The following PPARGC1A variants were observed in gnomAD, a reference collection of about 807,000 sequenced individuals.
PPARGC1A encodes the protein peroxisome proliferator-activated receptor gamma coactivator 1-alpha.
A neutral mutation model predicts 88.7 loss-of-function variants in PPARGC1A; 25 were observed. The ratio of observed to expected loss-of-function variants is 0.28; its 90% CI spans 0.21 to 0.39. The LOEUF (loss-of-function observed/expected upper bound fraction) is 0.39, where lower values mean the gene tolerates loss of function less well. Ranked by LOEUF, PPARGC1A falls within the 10% of genes least tolerant of loss-of-function variation. The pLI is 1.00. For synonymous variants in PPARGC1A, 363 were observed against 355.6 expected (o/e 1.02, Z -0.24); for missense variants, 880 against 968.7 (o/e 0.91, Z 1.22).
the PPARGC1A span, among the ~76,000 whole-genome samples, chr4:24,241,140 T>G: frequency 6.6e-6 from 1 of 152,334 alleles, no homozygotes; most frequent in South Asian, 2.1e-4. Context: ...GTAGCTTTAC[T>G]TTTCTAAAGT....
the PPARGC1A span, among the ~76,000 whole-genome samples, chr4:24,107,166 C>G: frequency 1.3e-5 from 2 of 152,178 alleles, no homozygotes; most frequent in Non-Finnish European, 2.9e-5. Context: ...AATAAAAGCA[C>G]ATTGCTATAT....
chr4:23,887,007 T>G (rs1409826866), intron 1 of PPARGC1A, among the ~76,000 whole-genome samples: 1 of 152,200 alleles, frequency 6.6e-6, no homozygotes, highest in Non-Finnish European at 1.5e-5. Flanking sequence ...GCATACTGAT[T>G]TGTGGACAAC....
At chr4:24,285,371 C>A in the PPARGC1A span, among the ~76,000 whole-genome samples, 1 of 152,114 alleles carries the variant, frequency 6.6e-6, no homozygotes, top group South Asian at 2.1e-4. Context: ...GTGAGATACA[C>A]AAGCACATGG....
chr4:24,226,827 C>G, the PPARGC1A span, among the ~76,000 whole-genome samples: 1 of 152,148 alleles, frequency 6.6e-6, no homozygotes, highest in Non-Finnish European at 1.5e-5. Flanking sequence ...GCTCTGAGGT[C>G]TATGATCGTG....
At chr4:23,868,565 C>G in intron 2 of PPARGC1A, among the ~76,000 whole-genome samples, 1 of 152,182 alleles carries the variant, frequency 6.6e-6, no homozygotes, top group East Asian at 1.9e-4. Flanking sequence ...TTCCCTCATG[C>G]AGTTTATAAT....
chr4:24,337,428 A>G, the PPARGC1A span, among the ~76,000 whole-genome samples: 90 of 152,304 alleles, frequency 5.9e-4, no homozygotes, highest in Non-Finnish European at 6.0e-4. Context: ...CCTAACTTAC[A>G]TGAACAATGG....
chr4:23,897,764 C>T (rs1271320591), intron 1 of PPARGC1A, among the ~76,000 whole-genome samples: 2 of 152,154 alleles, frequency 1.3e-5, no homozygotes, highest in East Asian at 3.8e-4. Flanking sequence ...TACTTTCAAC[C>T]ACAGGTATTG....
At chr4:24,256,085 T>C in the PPARGC1A span, among the ~76,000 whole-genome samples, 10 of 152,320 alleles carry the variant, frequency 6.6e-5, no homozygotes, top group South Asian at 1.9e-3. Context: ...TATTTCCATT[T>C]TACAGATGAA....
chr4:24,336,365 C>G, the PPARGC1A span, among the ~76,000 whole-genome samples: 1 of 152,130 alleles, frequency 6.6e-6, no homozygotes, highest in East Asian at 1.9e-4. Flanking sequence ...AAAAATTGCA[C>G]CCAGCATCTA....
chr4:24,421,491 T>C, the PPARGC1A span, among the ~76,000 whole-genome samples: 1 of 152,250 alleles, frequency 6.6e-6, no homozygotes, highest in East Asian at 1.9e-4. Flanking sequence ...TTTTGCATTT[T>C]TAGTAGAGAC....
chr4:24,122,417 A>ATG, the PPARGC1A span, among the ~76,000 whole-genome samples: 985 of 82,780 alleles, frequency 0.012, 16 homozygotes, highest in African/African-American at 0.034. Context: ...GTGTGTGTGC[A>ATG]TATATATATA....
At chr4:24,022,548 G>A in the PPARGC1A span, among the ~76,000 whole-genome samples, 3 of 152,182 alleles carry the variant, frequency 2.0e-5, no homozygotes, top group African/African-American at 7.2e-5. Flanking sequence ...GCACATGAGA[G>A]GTAATCCAGC....
At chr4:24,126,647 G>A in the PPARGC1A span, among the ~76,000 whole-genome samples, 18 of 152,260 alleles carry the variant, frequency 1.2e-4, no homozygotes, top group South Asian at 3.5e-3. Flanking sequence ...ATGCCCCAAA[G>A]GTTACCCCAT....
chr4:24,083,770 C>A, the PPARGC1A span, among the ~76,000 whole-genome samples: 3 of 152,186 alleles, frequency 2.0e-5, no homozygotes, highest in Non-Finnish European at 4.4e-5. Context: ...GCACTAAATG[C>A]ACTGGAATTG....
In PPARGC1A at chr4:23,805,055, A is replaced by T. The variant is rs374684069; in HGVS notation, c.2020-2710T>A. Among the ~76,000 whole-genome samples the T allele has an allele frequency of 9.8e-5, 15 of 152,358 alleles. No individual in the cohort carries two copies. In the South Asian group the frequency reaches 3.1e-3, roughly 32 times the overall value. ...TGTATTTTAAACAAAGCATCAAAAC[A>T]TAACAGACTATCAATGAATATCTGC... On this transcript the variant is annotated intron_variant, in intron 10 of 12. Transcript: ENST00000264867.
the PPARGC1A span, among the ~76,000 whole-genome samples, chr4:24,228,205 A>C: frequency 1.3e-5 from 2 of 152,162 alleles, no homozygotes; most frequent in African/African-American, 4.8e-5. Flanking sequence ...GGCAAACCTC[A>C]TATCAGCTCC....
chr4:24,061,732 A>G, the PPARGC1A span, among the ~76,000 whole-genome samples: 1 of 152,246 alleles, frequency 6.6e-6, no homozygotes, highest in African/African-American at 2.4e-5. Context: ...CTGTGGCTCT[A>G]ATTTGATGCT....
At chr4:24,439,438 C>T in the PPARGC1A span, among the ~76,000 whole-genome samples, 3 of 152,150 alleles carry the variant, frequency 2.0e-5, no homozygotes, top group Non-Finnish European at 4.4e-5. Flanking sequence ...TGGTATGCTC[C>T]CTTCCATTCT....
the PPARGC1A span, among the ~76,000 whole-genome samples, chr4:24,340,079 G>GA: frequency 2.0e-5 from 3 of 151,560 alleles, no homozygotes; most frequent in South Asian, 2.1e-4. Context: ...TTAAAGCCAG[G>GA]AAAAAAAATA....
Sources: allele counts gnomAD v4.1 joint callset (sites outside exome capture counted in the v4.1 genomes callset), GRCh38; gene constraint gnomAD v4.1.1; transcripts MANE v1.5; gene names NCBI Gene and HGNC (gene_info 2026-07-23, HGNC 2026-07-21).